PCNX1: variants seen among roughly 807,000 people sequenced by gnomAD.
PCNX1 encodes the protein pecanex-like protein 1.
PCNX1 carries 78 observed loss-of-function variants against 242.2 expected under a neutral mutation model. That is an observed-to-expected ratio of 0.32 (90% confidence interval 0.27 to 0.39). PCNX1 has a LOEUF of 0.39. Ranked by LOEUF, PCNX1 falls within the 10% of genes least tolerant of loss-of-function variation. The pLI is 1.00. For synonymous variants in PCNX1, 1,024 were observed against 1,032.9 expected (o/e 0.99, Z 0.17); for missense variants, 2,581 against 2,856.5 (o/e 0.90, Z 2.20).
intron 30 of PCNX1, among the ~76,000 whole-genome samples, chr14:71,095,548 C>T (rs1042902457): frequency 6.6e-6 from 1 of 152,122 alleles, no homozygotes; most frequent in Non-Finnish European, 1.5e-5. Context: ...TATAGTATCC[C>T]CAAAAACCAA....
chr14:71,003,506 T>C (rs2140433717), intron 8 of PCNX1, among the ~76,000 whole-genome samples: 1 of 152,336 alleles, frequency 6.6e-6, no homozygotes, highest in East Asian at 1.9e-4. Context: ...TGTCTTTTTG[T>C]TTACCTGACC....
At position 70,963,266 on chromosome 14, in the gene PCNX1, C is replaced by T. The variant is rs533764116; in HGVS notation, c.468+935C>T. Among the ~76,000 whole-genome samples, 5 of 152,262 alleles carry T rather than the reference C, an allele frequency of 3.3e-5. No homozygotes were observed. The South Asian group carries it at 6.2e-4, about 19-fold the overall frequency. On this transcript the variant is annotated intron_variant, in intron 3 of 35. Transcript: ENST00000304743. ...ATTTTCAAACACCTTATGGTGTTGA[C>T]CCTTTCTTTTGCAGATGAGTACTTA...
intron 1 of PCNX1, among the ~76,000 whole-genome samples, chr14:70,944,478 C>T (rs2057384598): frequency 1.3e-5 from 2 of 152,224 alleles, no homozygotes; most frequent in Non-Finnish European, 2.9e-5. Flanking sequence ...CCTGTATCCC[C>T]ATTGTACCTA....
At chr14:71,047,765 G>A (rs771240534) in intron 21 of PCNX1, 42 bp from the exon 22 acceptor site, 5 of 1,508,254 alleles carry the variant, frequency 3.3e-6, no homozygotes, top group Non-Finnish European at 4.5e-6. Flanking sequence ...CTCTTCTAAT[G>A]TTTTCAGTCA....
intron 9 of PCNX1, among the ~76,000 whole-genome samples, 196 bp from the exon 10 acceptor site, chr14:71,011,296 A>T (rs2059813957): frequency 6.6e-6 from 1 of 152,180 alleles, no homozygotes; most frequent in Non-Finnish European, 1.5e-5. Flanking sequence ...CTTGTCCAAG[A>T]TCTCATTCAG....
intron 1 of PCNX1, among the ~76,000 whole-genome samples, chr14:70,932,511 A>G (rs1305142455): frequency 6.6e-6 from 1 of 152,096 alleles, no homozygotes; most frequent in African/African-American, 2.4e-5. Flanking sequence ...TTGTGCTAAC[A>G]GACTCTGTTC....
At chr14:71,101,137 T>G (rs1472452737) in intron 30 of PCNX1, among the ~76,000 whole-genome samples, 1 of 152,224 alleles carries the variant, frequency 6.6e-6, no homozygotes, top group Non-Finnish European at 1.5e-5. Flanking sequence ...CAAATTCTGG[T>G]CAGTTGACTT....
chr14:70,934,484 G>C (rs2056923566), intron 1 of PCNX1, among the ~76,000 whole-genome samples: 1 of 152,164 alleles, frequency 6.6e-6, no homozygotes, highest in Non-Finnish European at 1.5e-5. Context: ...GTCTCACTAT[G>C]TTGCCTAGGC....
chr14:71,084,422 C>T (rs573748730), intron 28 of PCNX1, among the ~76,000 whole-genome samples: 1 of 152,336 alleles, frequency 6.6e-6, no homozygotes, highest in Admixed American at 6.5e-5. Flanking sequence ...CAGGCAGCAA[C>T]ATTTAAGTCT....
chr14:70,965,763 TG>T (rs1007721269), intron 3 of PCNX1, among the ~76,000 whole-genome samples: 12 of 152,076 alleles, frequency 7.9e-5, no homozygotes, highest in African/African-American at 2.4e-4. Context: ...TGTTTCCAGC[TG>T]GAGAGACAGG....
At chr14:70,990,459 G>T (rs2059132291) in intron 7 of PCNX1, among the ~76,000 whole-genome samples, 1 of 151,822 alleles carries the variant, frequency 6.6e-6, no homozygotes, top group South Asian at 2.1e-4. Context: ...AGCTACTCAG[G>T]GTGGCTGAGG....
intron 26 of PCNX1, among the ~76,000 whole-genome samples, chr14:71,067,769 T>C (rs2061485400): frequency 6.6e-6 from 1 of 152,190 alleles, no homozygotes; most frequent in Non-Finnish European, 1.5e-5. Context: ...CTCTAAACAC[T>C]GCTTTAGCTG....
chr14:71,059,406 A>G (rs1336054410), intron 26 of PCNX1, among the ~76,000 whole-genome samples: 1 of 151,896 alleles, frequency 6.6e-6, no homozygotes, highest in African/African-American at 2.4e-5. Flanking sequence ...TTTAAGAGAC[A>G]GGGGTCTCGC....
chr14:70,953,031 G>A (rs1456598160), intron 2 of PCNX1, among the ~76,000 whole-genome samples: 1 of 152,166 alleles, frequency 6.6e-6, no homozygotes, highest in Non-Finnish European at 1.5e-5. Flanking sequence ...ACTTTGGGAG[G>A]GAGAGATGGG....
chr14:71,088,465 A>T (rs779705140), intron 29 of PCNX1, 35 bp downstream of exon 29: 1 of 1,259,058 alleles, frequency 7.9e-7, no homozygotes. Context: ...GGAAGAGAGC[A>T]TGGGAAGCTG....
Position 71,105,329 on chromosome 14 carries a change from A to G in PCNX1, c.6190A>G (p.Thr2064Ala), listed in dbSNP as rs989341605. 2.7e-5 allele frequency: 43 copies of G among 1,613,936 alleles called. No homozygotes were observed. The highest frequency in any genetic ancestry group is 4.0e-5 in the African/African-American group (3 of 74,912). Reference protein sequence around the residue: ...GGTSCTGNNATTANNPHSNVT... With the variant: ...GGTSCTGNNAATANNPHSNVT... ...GACTTCCTGCACTGGTAACAATGCA[A>G]CAACTGCCAACAATCCCCACAGCAA... Residue 2064 changes from threonine to alanine, a missense_variant, in exon 33 of 36, where the codon ACA (threonine) becomes GCA (alanine). Thr to Ala is a moderately conservative substitution (Grantham distance 58). This residue lies in a region of PCNX1 where 432 missense variants were observed against 433.6 expected (regional missense o/e 1.00). Coordinates refer to ENST00000304743, the MANE Select transcript of PCNX1 (RefSeq NM_014982.3).
chr14:71,004,452 C>T (rs1595205988), intron 8 of PCNX1, among the ~76,000 whole-genome samples: 1 of 152,234 alleles, frequency 6.6e-6, no homozygotes, highest in African/African-American at 2.4e-5. Flanking sequence ...GGAGCATGAA[C>T]CCTATTGTAA....
In PCNX1 at chr14:71,109,582, T is replaced by C; in HGVS notation, c.6875T>C (p.Met2292Thr). 6.2e-7 allele frequency: 1 copy of C among 1,614,180 alleles called. No individual in the cohort carries two copies. The part of the protein sequence containing the change: ...SWKDWSPQEG[M>T]EGHVIHRWVP... ...AAAGACTGGAGTCCGCAGGAGGGCA[T>C]GGAAGGCCATGTAAGTTCTTTTACA... Residue 2292 changes from methionine (M) to threonine (T), a missense_variant, in exon 35 of 36, where the codon ATG becomes ACG. Met to Thr is a moderately conservative substitution (Grantham distance 81, BLOSUM62 -1). This residue lies in a region of PCNX1 where 432 missense variants were observed against 433.6 expected (regional missense o/e 1.00). Coordinates refer to ENST00000304743, the MANE Select transcript of PCNX1 (RefSeq NM_014982.3).
At chr14:71,006,523 C>T (rs2059672139) in intron 8 of PCNX1, among the ~76,000 whole-genome samples, 1 of 152,036 alleles carries the variant, frequency 6.6e-6, no homozygotes, top group Non-Finnish European at 1.5e-5. Flanking sequence ...TTTCTTTGCT[C>T]TGCTTTCTAC....
Sources: allele counts gnomAD v4.1 joint callset (sites outside exome capture counted in the v4.1 genomes callset), GRCh38; gene constraint gnomAD v4.1.1; regional missense constraint gnomAD v4.1.1; transcripts MANE v1.5; gene names NCBI Gene and HGNC (gene_info 2026-07-23, HGNC 2026-07-21).